The following AGBL4 variants were observed in gnomAD, a reference collection of about 807,000 sequenced individuals.
The protein encoded by AGBL4 is cytosolic carboxypeptidase 6.
A neutral mutation model predicts 66.4 loss-of-function variants in AGBL4; 58 were observed. The observed-to-expected ratio is 0.87, with a 90% CI of 0.71 to 1.09. AGBL4 has a LOEUF of 1.09. AGBL4 is among the 50% of genes least tolerant of loss of function. The pLI, the probability that AGBL4 is intolerant of heterozygous loss-of-function variation, is 0.00. For missense variants in AGBL4, 579 were observed against 631.0 expected, an observed-to-expected ratio of 0.92 and a Z score of 0.88; for synonymous variants, 234 against 222.9, an observed-to-expected ratio of 1.05 and a Z score of -0.44.
At chr1:49,238,285 C>A (rs1054276396) in intron 4 of AGBL4, among the ~76,000 whole-genome samples, 7 of 152,276 alleles carry the variant, frequency 4.6e-5, no homozygotes, top group Non-Finnish European at 1.0e-4. Context: ...TCTCTCCTAT[C>A]GTTCTGAAAC....
chr1:49,020,838 A>G (rs1238379136), intron 5 of AGBL4, among the ~76,000 whole-genome samples: 2 of 152,204 alleles, frequency 1.3e-5, no homozygotes, highest in Non-Finnish European at 2.9e-5. Flanking sequence ...GAAGGCCCAT[A>G]GCCTTGTTTA....
At chr1:49,554,377 T>A (rs183218490) in intron 3 of AGBL4, among the ~76,000 whole-genome samples, 1 of 151,052 alleles carries the variant, frequency 6.6e-6, no homozygotes, top group African/African-American at 2.5e-5. Context: ...GCAAACACAT[T>A]TTTTTTTATA....
At chr1:48,595,856 G>A (rs928676662) in intron 9 of AGBL4, among the ~76,000 whole-genome samples, 7 of 152,068 alleles carry the variant, frequency 4.6e-5, no homozygotes, top group Non-Finnish European at 2.9e-5. Context: ...TTCACATTTC[G>A]GCAGCACTTC....
chr1:49,660,000 A>G (rs1043896322), intron 3 of AGBL4, among the ~76,000 whole-genome samples: 1 of 152,180 alleles, frequency 6.6e-6, no homozygotes, highest in Non-Finnish European at 1.5e-5. Flanking sequence ...TAAAAACCCA[A>G]GAAGAAAATC....
chr1:49,407,031 T>G (rs1645216106), intron 3 of AGBL4, among the ~76,000 whole-genome samples: 1 of 134,440 alleles, frequency 7.4e-6, no homozygotes, highest in Non-Finnish European at 1.5e-5. Flanking sequence ...CGCCACTGCA[T>G]TCCAGCCAGG....
intron 3 of AGBL4, among the ~76,000 whole-genome samples, chr1:49,627,117 T>C (rs1054466311): frequency 2.0e-5 from 3 of 152,092 alleles, no homozygotes; most frequent in African/African-American, 7.2e-5. Context: ...AGCTATTCTT[T>C]GATGGTCTTG....
intron 4 of AGBL4, among the ~76,000 whole-genome samples, chr1:49,128,350 G>A (rs991794969): frequency 3.3e-5 from 5 of 151,916 alleles, no homozygotes; most frequent in Admixed American, 6.6e-5. Flanking sequence ...AATCCCAATT[G>A]ATAAATTTAC....
intron 6 of AGBL4, among the ~76,000 whole-genome samples, chr1:48,798,387 G>A (rs1012489122): frequency 4.6e-5 from 7 of 151,758 alleles, no homozygotes; most frequent in Admixed American, 6.6e-5. Context: ...GTCCTTTGTC[G>A]GATGCATAGT....
At chr1:49,866,298 A>G (rs1482051334) in intron 1 of AGBL4, among the ~76,000 whole-genome samples, 1 of 152,110 alleles carries the variant, frequency 6.6e-6, no homozygotes, top group Non-Finnish European at 1.5e-5. Context: ...ATCCCAAGAC[A>G]CATAATCATC....
intron 4 of AGBL4, among the ~76,000 whole-genome samples, chr1:49,069,738 C>T (rs1456429432): frequency 1.3e-5 from 2 of 151,832 alleles, no homozygotes; most frequent in African/African-American, 4.9e-5. Context: ...TCCATATGAA[C>T]TTTCAAGTAG....
In AGBL4 at chr1:48,826,996, C is replaced by T. The variant is rs1322461683; in HGVS notation, c.634+40195G>A. On this transcript the variant is annotated intron_variant, in intron 6 of 13. Coordinates refer to ENST00000371839, the MANE Select transcript of AGBL4 (RefSeq NM_032785.4). ...CCCACTGCCTGAATATTCTTTCCCC[C>T]TCTATCAAGATCAAGATAAGTCAAG... 2.6e-5 allele frequency among the ~76,000 whole-genome samples: 4 copies of T among 152,132 alleles called. No homozygotes were observed. The East Asian group carries it at 7.7e-4, about 29-fold the overall frequency.
chr1:48,741,998 A>G (rs1649987462), intron 6 of AGBL4, among the ~76,000 whole-genome samples: 1 of 152,218 alleles, frequency 6.6e-6, no homozygotes, highest in Non-Finnish European at 1.5e-5. Flanking sequence ...TTCCATTACT[A>G]ATAATCTTAA....
intron 3 of AGBL4, among the ~76,000 whole-genome samples, chr1:49,392,911 A>C (rs1009141608): frequency 3.9e-5 from 6 of 152,180 alleles, no homozygotes; most frequent in Admixed American, 2.0e-4. Flanking sequence ...TTTCTAGTAA[A>C]ATGTACATTT....
chr1:49,210,626 C>T (rs557910631), intron 4 of AGBL4, among the ~76,000 whole-genome samples: 10 of 152,042 alleles, frequency 6.6e-5, no homozygotes, highest in South Asian at 2.1e-4. Flanking sequence ...CTTGAAAATG[C>T]GTTAATCATT....
chr1:50,017,773 C>A lies in AGBL4; in HGVS notation c.34+5990G>T, dbSNP rs1296175805. ...AGGAGGGTGAGGGTTGAAAAACCAC[C>A]TGTTGGATACTATGCTTATTAGCTG... On this transcript the variant is annotated intron_variant, in intron 1 of 13. Transcript: ENST00000371839. Among the ~76,000 whole-genome samples, 5 of 152,082 alleles carry A rather than the reference C, an allele frequency of 3.3e-5. No individual in the cohort carries two copies. The East Asian group carries it at 9.6e-4, about 29-fold the overall frequency.
In AGBL4 at chr1:48,586,794, T is replaced by C. The variant is rs533556665; in HGVS notation, c.1267+210A>G. 2.4e-5 allele frequency: 14 copies of C among 584,572 alleles called. No individual in the cohort carries two copies. In the African/African-American group the frequency reaches 2.7e-4, roughly 11 times the overall value. 36.2% of individuals were successfully genotyped at this position (584,572 alleles called of 1,614,324 possible). On this transcript the variant is annotated intron_variant, in intron 11 of 13. Transcript: ENST00000371839. ...TGGGTCCGGCTGGCCTGGGAAAGAT[T>C]TGGAGCATGGCAATTGGGGTAGGAG...
intron 2 of AGBL4, among the ~76,000 whole-genome samples, chr1:49,822,731 T>C (rs1435888974): frequency 1.3e-5 from 2 of 152,210 alleles, no homozygotes; most frequent in African/African-American, 4.8e-5. Flanking sequence ...TGCTGTATAA[T>C]AGTTTGTGTA....
At chr1:48,764,848 G>A (rs961448919) in intron 6 of AGBL4, among the ~76,000 whole-genome samples, 9 of 152,198 alleles carry the variant, frequency 5.9e-5, no homozygotes, top group African/African-American at 2.2e-4. Flanking sequence ...TGCAGCGGAT[G>A]ACAGAGCTCA....
rs138020897 is a variant in AGBL4 at position 48,774,190 on chromosome 1, C to T, written c.634+93001G>A. ...TAATAGCTAATCCACAAACATAAAG[C>T]CACCTCTGCTTCCCACTTGAGGGGA... On this transcript the variant is annotated intron_variant, in intron 6 of 13. Transcript: ENST00000371839. Among the ~76,000 whole-genome samples, 58 of 152,310 alleles carry T rather than the reference C, an allele frequency of 3.8e-4. No homozygotes were observed. The East Asian group carries it at 8.9e-3, about 23-fold the overall frequency.
Sources: gnomAD v4.1 joint callset for allele counts (sites outside exome capture counted in the v4.1 genomes callset) on GRCh38, gnomAD v4.1.1 for gene constraint, MANE v1.5 for transcripts, NCBI Gene and HGNC (gene_info 2026-07-23, HGNC 2026-07-21) for gene names.